The following SUGCT variants were observed in gnomAD, a reference collection of about 807,000 sequenced individuals.
SUGCT encodes succinyl-CoA:glutarate-CoA transferase.
Under a neutral mutation model 55.0 loss-of-function variants are expected in SUGCT, and 41 were observed. The ratio of observed to expected loss-of-function variants is 0.74; its 90% CI spans 0.58 to 0.97. SUGCT has a LOEUF of 0.97. Ranked by LOEUF, SUGCT falls within the 50% of genes least tolerant of loss-of-function variation. SUGCT has a pLI of 0.00. For missense variants in SUGCT, 568 were observed against 547.8 expected (o/e 1.04, Z -0.37); for synonymous variants, 187 against 200.4 (o/e 0.93, Z 0.56).
At chr7:40,787,521 A>G (rs895856743) in intron 13 of SUGCT, among the ~76,000 whole-genome samples, 2 of 152,106 alleles carry the variant, frequency 1.3e-5, no homozygotes, top group African/African-American at 4.8e-5. Flanking sequence ...TGTAAGACTG[A>G]AAGACAGAGA....
intron 11 of SUGCT, among the ~76,000 whole-genome samples, chr7:40,481,882 A>C (rs1386797536): frequency 6.6e-6 from 1 of 152,102 alleles, no homozygotes; most frequent in African/African-American, 2.4e-5. Flanking sequence ...TTTCTGCTTA[A>C]CTTTTTTCCA....
At chr7:40,284,148 AGG>A (rs1424183807) in intron 8 of SUGCT, among the ~76,000 whole-genome samples, 1 of 120,914 alleles carries the variant, frequency 8.3e-6, no homozygotes, top group Admixed American at 9.4e-5. Context: ...TGGGGGTTGG[AGG>A]TGGGGGCAGG....
the SUGCT span, among the ~76,000 whole-genome samples, chr7:40,995,325 C>A: frequency 2.0e-5 from 3 of 152,002 alleles, no homozygotes; most frequent in South Asian, 4.2e-4. Context: ...GACACATACA[C>A]ACATTTTATC....
At chr7:40,754,474 G>A (rs1788160724) in intron 13 of SUGCT, among the ~76,000 whole-genome samples, 1 of 152,186 alleles carries the variant, frequency 6.6e-6, no homozygotes, top group Non-Finnish European at 1.5e-5. Context: ...AACTTACTGT[G>A]TCTGGTACAC....
At chr7:40,730,661 A>T (rs917663130) in intron 12 of SUGCT, among the ~76,000 whole-genome samples, 2 of 152,096 alleles carry the variant, frequency 1.3e-5, no homozygotes, top group East Asian at 3.9e-4. Context: ...CCTAACTGAA[A>T]TTTTGTGTCC....
At chr7:40,368,099 A>G (rs1784104051) in intron 9 of SUGCT, among the ~76,000 whole-genome samples, 1 of 152,154 alleles carries the variant, frequency 6.6e-6, no homozygotes, top group Admixed American at 6.5e-5. Context: ...CTCTATTGTC[A>G]TCTCCGAAAG....
chr7:40,314,372 A>G (rs566268915), intron 8 of SUGCT, among the ~76,000 whole-genome samples: 12 of 152,304 alleles, frequency 7.9e-5, no homozygotes, highest in Non-Finnish European at 1.3e-4. Context: ...ACTAATTTGA[A>G]TTCTTGGCCT....
At chr7:40,987,246 C>T in the SUGCT span, among the ~76,000 whole-genome samples, 1 of 152,072 alleles carries the variant, frequency 6.6e-6, no homozygotes, top group Admixed American at 6.6e-5. Context: ...AGGGACTCAT[C>T]AGAGATGGAC....
At position 40,375,512 on chromosome 7, in the gene SUGCT, A is replaced by G. The variant is rs936514046; in HGVS notation, c.816+58657A>G. 2.6e-5 allele frequency among the ~76,000 whole-genome samples: 4 copies of G among 152,140 alleles called. 1 individual carries two copies. The highest frequency in any genetic ancestry group is 4.1e-4 in the South Asian group (2 of 4,832). The stretch of plus-strand genomic sequence containing the variant: ...ACTCCCCATCTCATGGCCTTGGCAC[A>G]TGCTTTATTTCCTTCATGGAATGTT... On this transcript the variant is annotated intron_variant, in intron 9 of 13. Coordinates refer to ENST00000335693, the MANE Select transcript of SUGCT (RefSeq NM_001193313.2).
At chr7:40,614,219 G>A (rs959141869) in intron 12 of SUGCT, among the ~76,000 whole-genome samples, 4 of 151,760 alleles carry the variant, frequency 2.6e-5, no homozygotes, top group African/African-American at 9.7e-5. Context: ...TTCTGCATTC[G>A]AGAAGAGGAC....
intron 7 of SUGCT, among the ~76,000 whole-genome samples, chr7:40,268,018 G>T (rs1406134880): frequency 6.6e-6 from 1 of 151,974 alleles, no homozygotes; most frequent in Non-Finnish European, 1.5e-5. Flanking sequence ...TTTTAAGCAG[G>T]TCTTTAAAGA....
At chr7:40,236,420 T>C (rs1305506004) in intron 6 of SUGCT, among the ~76,000 whole-genome samples, 1 of 146,520 alleles carries the variant, frequency 6.8e-6, no homozygotes, top group Non-Finnish European at 1.5e-5. Flanking sequence ...CTTTCCTGTG[T>C]TCTGTTGATT....
chr7:40,937,313 C>T, the SUGCT span, among the ~76,000 whole-genome samples: 9 of 152,060 alleles, frequency 5.9e-5, no homozygotes, highest in South Asian at 4.1e-4. Context: ...GGATTACAGG[C>T]GCCTGCCACT....
chr7:40,999,141 T>C, the SUGCT span, among the ~76,000 whole-genome samples: 26 of 152,148 alleles, frequency 1.7e-4, no homozygotes, highest in Non-Finnish European at 2.6e-4. Flanking sequence ...TGGAGATCGA[T>C]CTTCATAAAT....
intron 7 of SUGCT, among the ~76,000 whole-genome samples, chr7:40,264,827 C>T (rs1306809813): frequency 6.6e-6 from 1 of 152,174 alleles, no homozygotes; most frequent in Non-Finnish European, 1.5e-5. Flanking sequence ...GATTGAGATT[C>T]TCATCTCGTC....
chr7:40,674,162 G>C (rs1363661918), intron 12 of SUGCT, among the ~76,000 whole-genome samples: 5 of 152,208 alleles, frequency 3.3e-5, no homozygotes, highest in Non-Finnish European at 7.3e-5. Context: ...AAAGTACCAA[G>C]TACTATTTCT....
At position 40,571,351 on chromosome 7, in the gene SUGCT, TTC is replaced by T. The variant is rs1315832808; in HGVS notation, c.1089+74967_1089+74968del. On this transcript the variant is annotated intron_variant, in intron 12 of 13. Transcript: ENST00000335693. ...TTAATATTTGATTATAGATCACTTA[TTC>T]TGTTACTTTTTTCTTTGACTATGAA... 2.0e-5 allele frequency among the ~76,000 whole-genome samples: 3 copies of T among 152,336 alleles called. No individual in the cohort carries two copies. The East Asian group carries it at 5.8e-4, about 29-fold the overall frequency.
chr7:40,147,393 T>A (rs1788311127), intron 1 of SUGCT, among the ~76,000 whole-genome samples: 1 of 152,198 alleles, frequency 6.6e-6, no homozygotes, highest in African/African-American at 2.4e-5. Context: ...CACCTCTTTT[T>A]AACCTCCAAG....
intron 12 of SUGCT, among the ~76,000 whole-genome samples, chr7:40,622,038 A>C (rs1362946910): frequency 1.3e-5 from 2 of 152,212 alleles, no homozygotes; most frequent in Non-Finnish European, 2.9e-5. Flanking sequence ...CTGACCGTGT[A>C]TCAGAATCAT....
Sources: allele counts gnomAD v4.1 joint callset (sites outside exome capture counted in the v4.1 genomes callset), GRCh38; gene constraint gnomAD v4.1.1; transcripts MANE v1.5; gene names NCBI Gene and HGNC (gene_info 2026-07-23, HGNC 2026-07-21).